Variants in DAB1 observed in about 807,000 individuals in gnomAD.
DAB1 encodes the protein DAB adaptor protein 1.
Under a neutral mutation model 64.6 loss-of-function variants are expected in DAB1, and 15 were observed. The observed-to-expected ratio is 0.23, with a 90% CI of 0.16 to 0.36. The LOEUF is 0.36. Among genes scored for constraint, DAB1 ranks in the 10% least tolerant of loss-of-function variants. The pLI is 1.00. For missense variants in DAB1, 596 were observed against 706.7 expected, an observed-to-expected ratio of 0.84 and a Z score of 1.78; for synonymous variants, 235 against 251.9, an observed-to-expected ratio of 0.93 and a Z score of 0.64.
chr1:57,415,052 A>G (rs1161330038), intron 1 of DAB1, among the ~76,000 whole-genome samples: 1 of 151,994 alleles, frequency 6.6e-6, no homozygotes, highest in Non-Finnish European at 1.5e-5. Flanking sequence ...AAGCCAAGAC[A>G]CTCTTGAGAC....
At chr1:57,534,281 C>G (rs573279129) in intron 7 of DAB1, among the ~76,000 whole-genome samples, 1 of 152,058 alleles carries the variant, frequency 6.6e-6, no homozygotes, top group Non-Finnish European at 1.5e-5. Context: ...AGAGGTCCCT[C>G]GGAGAAAATC....
intron 4 of DAB1, among the ~76,000 whole-genome samples, chr1:58,212,893 G>A (rs1658631452): frequency 1.3e-5 from 2 of 151,808 alleles, no homozygotes; most frequent in Non-Finnish European, 2.9e-5. Context: ...GCTGGTGGAG[G>A]GGGTGGAGTT....
chr1:57,997,020 T>A (rs1646435808), intron 5 of DAB1, among the ~76,000 whole-genome samples: 1 of 152,040 alleles, frequency 6.6e-6, no homozygotes, highest in Non-Finnish European at 1.5e-5. Context: ...GGTCAGGTAG[T>A]TGTTAAACTA....
At chr1:58,487,223 G>A (rs1421111786) in intron 3 of DAB1, among the ~76,000 whole-genome samples, 1 of 152,202 alleles carries the variant, frequency 6.6e-6, no homozygotes, top group Non-Finnish European at 1.5e-5. Flanking sequence ...ACTTGTTAAA[G>A]CAGTCAAGAT....
At chr1:58,345,527 T>C (rs558711317) in intron 3 of DAB1, among the ~76,000 whole-genome samples, 3 of 152,308 alleles carry the variant, frequency 2.0e-5, no homozygotes, top group Admixed American at 2.0e-4. Flanking sequence ...CAGAACAATG[T>C]GTAACTTTCC....
intron 1 of DAB1, chr1:57,862,807 CTG>C (rs2101944696): frequency 6.6e-6 from 1 of 152,246 alleles, no homozygotes; most frequent in South Asian, 2.1e-4. Context: ...AACAGGGACA[CTG>C]AGACTCTCAC....
intron 5 of DAB1, among the ~76,000 whole-genome samples, chr1:58,149,897 T>C (rs1654825494): frequency 6.6e-6 from 1 of 152,198 alleles, no homozygotes; most frequent in Admixed American, 6.5e-5. Flanking sequence ...AAACTTCTTT[T>C]ATAATGAAGC....
intron 6 of DAB1, among the ~76,000 whole-genome samples, chr1:57,719,415 T>C (rs1350153637): frequency 4.6e-5 from 7 of 152,180 alleles, no homozygotes; most frequent in Admixed American, 4.6e-4. Context: ...TTCCTCCAAG[T>C]TCAGATGTGG....
intron 6 of DAB1, among the ~76,000 whole-genome samples, chr1:57,670,157 A>G (rs1437884804): frequency 6.6e-6 from 1 of 152,174 alleles, no homozygotes; most frequent in Non-Finnish European, 1.5e-5. Context: ...TTTATTAATA[A>G]TAGAGAGGTG....
At chr1:57,350,034 C>T (rs1236888385) in intron 1 of DAB1, among the ~76,000 whole-genome samples, 1 of 152,156 alleles carries the variant, frequency 6.6e-6, no homozygotes, top group Admixed American at 6.5e-5. Flanking sequence ...TTTGATTTCT[C>T]AAATGGCCAC....
chr1:57,742,455 G>C (rs1451921033), intron 6 of DAB1, among the ~76,000 whole-genome samples: 2 of 152,096 alleles, frequency 1.3e-5, no homozygotes, highest in South Asian at 2.1e-4. Flanking sequence ...AGATATAATG[G>C]GGAGGGACCA....
intron 2 of DAB1, among the ~76,000 whole-genome samples, chr1:57,219,764 A>G (rs1411659385): frequency 6.6e-6 from 1 of 152,148 alleles, no homozygotes. Context: ...CAGTCCTGCA[A>G]CCACAAGAAC....
At chr1:57,534,708 C>A (rs541619571) in intron 7 of DAB1, among the ~76,000 whole-genome samples, 9 of 152,132 alleles carry the variant, frequency 5.9e-5, no homozygotes, top group Non-Finnish European at 8.8e-5. Context: ...CCAGTCTCTA[C>A]GAGAAGGCTC....
intron 2 of DAB1, among the ~76,000 whole-genome samples, chr1:57,190,026 T>G (rs1663981920): frequency 6.6e-6 from 1 of 152,070 alleles, no homozygotes; most frequent in Admixed American, 6.6e-5. Flanking sequence ...CAGCTCAATA[T>G]CTGGGAACAA....
chr1:58,510,058 A>G (rs1427700768), intron 2 of DAB1, among the ~76,000 whole-genome samples: 1 of 152,160 alleles, frequency 6.6e-6, no homozygotes, highest in East Asian at 1.9e-4. Context: ...CACCAAAAAC[A>G]TTTAAAGAAT....
intron 7 of DAB1, among the ~76,000 whole-genome samples, chr1:57,614,013 C>G (rs1645759641): frequency 6.6e-6 from 1 of 152,088 alleles, no homozygotes; most frequent in Non-Finnish European, 1.5e-5. Flanking sequence ...GTCACAAACT[C>G]AGGTTTCCAC....
intron 4 of DAB1, among the ~76,000 whole-genome samples, chr1:58,249,965 A>G (rs1660729740): frequency 6.6e-6 from 1 of 152,150 alleles, no homozygotes; most frequent in African/African-American, 2.4e-5. Context: ...TGCCGCAGGC[A>G]GCCCTCCACA....
chr1:58,398,420 C>T (rs913699905), intron 3 of DAB1, among the ~76,000 whole-genome samples: 9 of 152,344 alleles, frequency 5.9e-5, no homozygotes, highest in South Asian at 2.1e-4. Flanking sequence ...ACGTTAGAGA[C>T]GGAAGGGAGG....
intron 5 of DAB1, among the ~76,000 whole-genome samples, chr1:58,054,111 A>G (rs1647898519): frequency 6.6e-6 from 1 of 152,260 alleles, no homozygotes; most frequent in African/African-American, 2.4e-5. Context: ...CAATTCTAGG[A>G]GTATGGCATT....
Sources: allele counts gnomAD v4.1 joint callset (sites outside exome capture counted in the v4.1 genomes callset), GRCh38; gene constraint gnomAD v4.1.1; transcripts MANE v1.5; gene names NCBI Gene and HGNC (gene_info 2026-07-23, HGNC 2026-07-21).